Variants in C3orf38 observed in about 807,000 individuals in gnomAD.
The protein encoded by C3orf38 is uncharacterized protein C3orf38.
C3orf38 carries 18 observed loss-of-function variants against 28.3 expected under a neutral mutation model. That is an observed-to-expected ratio of 0.64 (90% CI 0.44 to 0.94). The LOEUF is 0.94. C3orf38 is among the 40% of genes least tolerant of loss of function. The probability of loss-of-function intolerance (pLI) is 0.00; values close to 1 mark genes in which losing one functional copy is unlikely to be tolerated. For synonymous variants in C3orf38, 145 were observed against 138.1 expected (o/e 1.05, Z -0.35); for missense variants, 364 against 396.4 (o/e 0.92, Z 0.69).
At chr3:88,152,754 CAAAAAA>C (rs5850832) in intron 1 of C3orf38, among the ~76,000 whole-genome samples, 2 of 100,982 alleles carry the variant, frequency 2.0e-5, no homozygotes, top group Non-Finnish European at 2.0e-5. Flanking sequence ...GACTCCGTCT[CAAAAAA>C]AAAAAAAAAA....
At chr3:88,154,860 C>T (rs1707458844) in intron 2 of C3orf38, among the ~76,000 whole-genome samples, 1 of 140,568 alleles carries the variant, frequency 7.1e-6, no homozygotes, top group Admixed American at 7.2e-5. Context: ...TTTACAGTAA[C>T]TTTTTTTTTT....
rs1489507975 is a variant in C3orf38 at position 88,151,737 on chromosome 3, A to G, written c.134-1493A>G. 5.3e-5 allele frequency among the ~76,000 whole-genome samples: 8 copies of G among 152,374 alleles called. No individual in the cohort carries two copies. The East Asian group carries it at 1.5e-3, about 29-fold the overall frequency. ...GCAGTCATATAACTAATTATGATAT[A>G]GCAGTGAAAATGAGTTAGCTATGTA... On this transcript the variant is annotated intron_variant, in intron 1 of 2. Transcript: ENST00000318887.
intron 2 of C3orf38, among the ~76,000 whole-genome samples, chr3:88,154,375 C>CAT (rs1707453500): frequency 6.9e-6 from 1 of 145,936 alleles, no homozygotes; most frequent in African/African-American, 2.5e-5. Flanking sequence ...ATTTTTTATA[C>CAT]TTTTTTTTTT....
At chr3:88,151,818 C>T (rs1707417948) in intron 1 of C3orf38, among the ~76,000 whole-genome samples, 3 of 152,178 alleles carry the variant, frequency 2.0e-5, no homozygotes, top group Admixed American at 2.0e-4. Flanking sequence ...AAACTATATA[C>T]TGTATATGGA....
At chr3:88,153,605 T>C in intron 2 of C3orf38, 134 bp downstream of exon 2, 1 of 1,109,290 alleles carries the variant, frequency 9.0e-7, no homozygotes, top group Non-Finnish European at 1.3e-6. Flanking sequence ...AGATTCTTGC[T>C]CTGTTGCCCA....
chr3:88,156,592 A>G lies in C3orf38; in HGVS notation c.947A>G (p.Asn316Ser), dbSNP rs574387884. ...TVCGTNEVRH[N>S]VKQASDSGTG... ...TGTGGTACCAATGAAGTACGACATA[A>G]TGTAAAGCAGGCTTCGGATAGTGGA... Residue 316 changes from asparagine (N) to serine (S), a missense_variant, in exon 3 of 3, where the codon AAT becomes AGT. Asn to Ser is a conservative substitution (Grantham distance 46). Transcript: ENST00000318887. 8.0e-5 allele frequency: 129 copies of G among 1,613,292 alleles called. No individual in the cohort carries two copies. Among genetic ancestry groups the G allele is most frequent in the Non-Finnish European group, 1.1e-4 (125 of 1,179,816 alleles).
intron 1 of C3orf38, among the ~76,000 whole-genome samples, chr3:88,152,649 G>C (rs1216224579): frequency 6.6e-6 from 1 of 151,762 alleles, no homozygotes; most frequent in Non-Finnish European, 1.5e-5. Flanking sequence ...CAGCTACCTG[G>C]GAGGCTGAGG....
chr3:88,153,954 A>G (rs1707448773), intron 2 of C3orf38, among the ~76,000 whole-genome samples: 1 of 152,182 alleles, frequency 6.6e-6, no homozygotes, highest in South Asian at 2.1e-4. Context: ...AAGAGCAAAA[A>G]TATTTCTGAC....
In C3orf38 at chr3:88,149,967, C is replaced by T. The variant is rs1255433870; in HGVS notation, c.-86C>T. 2 of 1,547,532 alleles carry T rather than the reference C, an allele frequency of 1.3e-6. No individual in the cohort carries two copies. The highest frequency in any genetic ancestry group is 1.4e-5 in the African/African-American group (1 of 73,866). On this transcript the variant is annotated 5_prime_UTR_variant, in exon 1 of 3. Coordinates refer to ENST00000318887, the MANE Select transcript of C3orf38 (RefSeq NM_173824.4). ...CTTCGACGGAGAACAACAAGAAAGG[C>T]ACTTCCGGTGTCTGTTGCCAGGCGC...
intron 1 of C3orf38, among the ~76,000 whole-genome samples, chr3:88,151,693 A>G (rs1231776321): frequency 1.3e-5 from 2 of 152,202 alleles, no homozygotes; most frequent in Non-Finnish European, 2.9e-5. Flanking sequence ...AAACAGAAGA[A>G]TAGTTGGATA....
intron 1 of C3orf38, among the ~76,000 whole-genome samples, chr3:88,151,490 C>A (rs866402410): frequency 7.9e-5 from 12 of 152,172 alleles, no homozygotes; most frequent in African/African-American, 2.9e-4. Context: ...CTTGAATATG[C>A]TTTTGAATCT....
chr3:88,153,083 C>T (rs1488546476), intron 1 of C3orf38, 147 bp from the exon 2 acceptor site: 1 of 763,546 alleles, frequency 1.3e-6, no homozygotes, highest in Non-Finnish European at 2.1e-6. Flanking sequence ...CAACGGACTT[C>T]CTATTTTTTA....
chr3:88,150,032 C>CT lies in C3orf38; in HGVS notation c.-18dup, dbSNP rs760167539. Reference sequence around the variant, plus strand: ...GTAGGGGCGACATTGTTGCCGTTGTCTTTCCCCCCCAGTCCCGGGGATGGA... The same window carrying CT: ...GTAGGGGCGACATTGTTGCCGTTGTCTTTTCCCCCCCAGTCCCGGGGATGGA... On this transcript the variant is annotated 5_prime_UTR_variant, in exon 1 of 3. Transcript: ENST00000318887. 4.6e-6 allele frequency: 7 copies of CT among 1,523,722 alleles called. No individual in the cohort carries two copies. The highest frequency in any genetic ancestry group is 3.4e-5 in the South Asian group (3 of 87,066). The allele number at this position is 1,523,722 out of a possible 1,614,324, so 94.4% of individuals were successfully genotyped here.
At chr3:88,152,078 G>C (rs569954625) in intron 1 of C3orf38, among the ~76,000 whole-genome samples, 2 of 152,260 alleles carry the variant, frequency 1.3e-5, no homozygotes, top group South Asian at 4.1e-4. Flanking sequence ...TTGCCATTCT[G>C]TATGACTCAC....
chr3:88,150,173 C>T lies in C3orf38; in HGVS notation c.121C>T (p.Gln41Ter). Reference sequence around the variant, plus strand: ...TGTCACCAACCGCCTGGTGCAGCCTCAGGACCGCCAAGGTAAGGGCGGACC... The same window carrying T: ...TGTCACCAACCGCCTGGTGCAGCCTTAGGACCGCCAAGGTAAGGGCGGACC... ...DTVTNRLVQPQDRQDAVHAIL... is the reference protein window; with the variant it reads ...DTVTNRLVQP The change falls in exon 1 of 3, where the codon CAG (glutamine) becomes TAG (stop). Residue 41 changes from glutamine to a stop codon, truncating the protein, a stop_gained. Coordinates refer to ENST00000318887, the MANE Select transcript of C3orf38 (RefSeq NM_173824.4). LOFTEE classifies it high-confidence loss of function. 3 of 1,614,090 alleles carry T rather than the reference C, an allele frequency of 1.9e-6. No homozygotes were observed. The highest frequency in any genetic ancestry group is 2.5e-6 in the Non-Finnish European group (3 of 1,180,016).
In C3orf38 at chr3:88,153,571, GT is replaced by G. The variant is rs1196804140; in HGVS notation, c.375+107del. The G allele has an allele frequency of 1.1e-4, 154 of 1,382,914 alleles. 1 individual carries two copies. The highest frequency in any genetic ancestry group is 2.3e-4 in the Middle Eastern group (1 of 4,368). The allele number at this position is 1,382,914 out of a possible 1,614,324, so 85.7% of individuals were successfully genotyped here. A position where few individuals can be genotyped will look rare whatever the true frequency, so the allele number is the denominator to read the frequency against. On this transcript the variant is annotated intron_variant, in intron 2 of 2. Transcript: ENST00000318887. ...GAACATGGTTAATAATGTTTGTGGG[GT>G]TTTTTTATTTTTATTTTTTAAGAGA...
intron 2 of C3orf38, among the ~76,000 whole-genome samples, chr3:88,154,629 T>G (rs985471408): frequency 1.3e-5 from 2 of 152,194 alleles, no homozygotes; most frequent in African/African-American, 4.8e-5. Context: ...TCTTACTTTA[T>G]GTACTGATAA....
At position 88,156,624 on chromosome 3, in the gene C3orf38, G is replaced by C. The variant is rs372776103; in HGVS notation, c.979G>C (p.Asp327His). The part of the protein sequence containing the change: ...VKQASDSGTG[D>H]QV ...GCAGGCTTCGGATAGTGGAACTGGG[G>C]ACCAAGTTTGAGGTAGTGGAAATGA... The change falls in exon 3 of 3, where the codon GAC becomes CAC. Residue 327 changes from aspartate to histidine, a missense_variant. Coordinates refer to ENST00000318887, the MANE Select transcript of C3orf38 (RefSeq NM_173824.4). 7 of 1,609,464 alleles carry C rather than the reference G, an allele frequency of 4.3e-6. No homozygotes were observed. The highest frequency in any genetic ancestry group is 1.1e-5 in the South Asian group (1 of 90,688).
chr3:88,149,981 G>T lies in C3orf38; in HGVS notation c.-72G>T, dbSNP rs1423576233. Reference sequence around the variant, plus strand: ...AACAAGAAAGGCACTTCCGGTGTCTGTTGCCAGGCGCGGGCCCAGTGGGCC... The same window carrying T: ...AACAAGAAAGGCACTTCCGGTGTCTTTTGCCAGGCGCGGGCCCAGTGGGCC... On this transcript the variant is annotated 5_prime_UTR_variant, in exon 1 of 3. Transcript: ENST00000318887. 4 of 1,594,880 alleles carry T rather than the reference G, an allele frequency of 2.5e-6. No individual in the cohort carries two copies. Among genetic ancestry groups the T allele is most frequent in the Non-Finnish European group, 3.4e-6 (4 of 1,164,672 alleles).
Sources: gnomAD v4.1 joint callset for allele counts (sites outside exome capture counted in the v4.1 genomes callset) on GRCh38, gnomAD v4.1.1 for gene constraint, MANE v1.5 for transcripts, NCBI Gene and HGNC (gene_info 2026-07-23, HGNC 2026-07-21) for gene names.